CREB5: variants seen among roughly 807,000 people sequenced by gnomAD.
CREB5 encodes the protein cAMP responsive element binding protein 5.
A neutral mutation model predicts 57.1 loss-of-function variants in CREB5; 19 were observed. The observed-to-expected ratio is 0.33, with a 90% CI of 0.23 to 0.49. The LOEUF (loss-of-function observed/expected upper bound fraction) is 0.49, where lower values mean the gene tolerates loss of function less well. CREB5 is among the 20% of genes least tolerant of loss of function. CREB5 has a pLI of 0.99. For missense variants in CREB5, 579 were observed against 671.6 expected (o/e 0.86, Z 1.52); for synonymous variants, 238 against 238.3 (o/e 1.00, Z 0.01).
chr7:28,742,838 A>G (rs1227037830), intron 7 of CREB5, among the ~76,000 whole-genome samples: 3 of 151,916 alleles, frequency 2.0e-5, no homozygotes, highest in African/African-American at 7.3e-5. Flanking sequence ...GGTGGAGTGC[A>G]ATGGTGCGAT....
At chr7:28,461,531 T>C (rs770441182) in intron 1 of CREB5, among the ~76,000 whole-genome samples, 19 of 152,184 alleles carry the variant, frequency 1.2e-4, no homozygotes, top group Non-Finnish European at 2.8e-4. Context: ...TATTAATTCA[T>C]CATGAGTGGA....
At chr7:28,406,753 G>A (rs1206194338) in intron 1 of CREB5, among the ~76,000 whole-genome samples, 1 of 152,232 alleles carries the variant, frequency 6.6e-6, no homozygotes, top group Non-Finnish European at 1.5e-5. Flanking sequence ...AATCCTGGGA[G>A]AGACTGAGTG....
intron 5 of CREB5, among the ~76,000 whole-genome samples, chr7:28,658,990 A>ATATATATATGTGT (rs1562554757): frequency 1.5e-5 from 1 of 65,186 alleles, no homozygotes. Flanking sequence ...TGTATATATA[A>ATATATATATGTGT]GTCATAATTT....
intron 7 of CREB5, among the ~76,000 whole-genome samples, chr7:28,791,847 G>A (rs532485296): frequency 6.6e-6 from 1 of 152,338 alleles, no homozygotes; most frequent in East Asian, 1.9e-4. Context: ...TGTGATTTAA[G>A]GAGATGGTTC....
At chr7:28,643,524 A>C (rs1158210436) in intron 5 of CREB5, among the ~76,000 whole-genome samples, 1 of 152,144 alleles carries the variant, frequency 6.6e-6, no homozygotes, top group East Asian at 1.9e-4. Context: ...TTCTGAATTA[A>C]ATGGAACTAT....
At chr7:28,512,647 C>CTCTGTG (rs1554335424) in intron 4 of CREB5, among the ~76,000 whole-genome samples, 4 of 75,404 alleles carry the variant, frequency 5.3e-5, no homozygotes, top group Middle Eastern at 5.3e-3. Flanking sequence ...CATATAATAA[C>CTCTGTG]TGTGTGTGTG....
chr7:28,315,062 T>C (rs1785351064), intron 1 of CREB5, among the ~76,000 whole-genome samples: 2 of 152,174 alleles, frequency 1.3e-5, no homozygotes, highest in South Asian at 4.1e-4. Context: ...GATAAGGGTA[T>C]CTTATCTTAT....
chr7:28,366,317 T>C (rs1209833704), intron 1 of CREB5, among the ~76,000 whole-genome samples: 3 of 152,218 alleles, frequency 2.0e-5, no homozygotes, highest in South Asian at 4.1e-4. Flanking sequence ...ATAAACATTA[T>C]AGATTACAAA....
chr7:28,527,386 T>G (rs1303772112), intron 4 of CREB5, among the ~76,000 whole-genome samples: 2 of 152,232 alleles, frequency 1.3e-5, no homozygotes, highest in Non-Finnish European at 2.9e-5. Flanking sequence ...ATTACCAATG[T>G]GACCTGGGAC....
chr7:28,574,059 TC>T (rs2052214328), intron 5 of CREB5, among the ~76,000 whole-genome samples: 1 of 152,118 alleles, frequency 6.6e-6, no homozygotes, highest in Non-Finnish European at 1.5e-5. Flanking sequence ...GTGGGAGGCA[TC>T]CCCAAACTAG....
chr7:28,523,403 C>G (rs1793295146), intron 4 of CREB5, among the ~76,000 whole-genome samples: 1 of 152,126 alleles, frequency 6.6e-6, no homozygotes, highest in South Asian at 2.1e-4. Flanking sequence ...CTTAATGTGT[C>G]CCAGGTGCTG....
chr7:28,711,078 G>A (rs1001009550), intron 5 of CREB5, among the ~76,000 whole-genome samples: 4 of 152,210 alleles, frequency 2.6e-5, no homozygotes, highest in Admixed American at 2.0e-4. Context: ...GGTGGTCAGA[G>A]GCCAGATGGT....
intron 1 of CREB5, among the ~76,000 whole-genome samples, chr7:28,383,858 T>C (rs1439899560): frequency 6.6e-6 from 1 of 152,226 alleles, no homozygotes; most frequent in African/African-American, 2.4e-5. Flanking sequence ...ATTTCCTTAG[T>C]TGACGTTCTA....
At chr7:28,739,803 TC>T (rs1449842702) in intron 7 of CREB5, among the ~76,000 whole-genome samples, 19 of 152,300 alleles carry the variant, frequency 1.2e-4, no homozygotes, top group African/African-American at 4.6e-4. Flanking sequence ...GGCATTAAAT[TC>T]CTTACCTTGG....
rs199561235 is a variant in CREB5 at position 28,306,541 on chromosome 7, G to GTTTTTTTT, written c.-25+7104_-25+7105insTTTTTTTT. Reference sequence around the variant, plus strand: ...ACTGGTGCCAGTACATACAGATACAGTTTTGTTTTTTTTGTTTTTTTTTTT... The same window carrying GTTTTTTTT: ...ACTGGTGCCAGTACATACAGATACAGTTTTTTTTTTTTGTTTTTTTTGTTTTTTTTTTT... On this transcript the variant is annotated intron_variant, in intron 1 of 9. Transcript: ENST00000396299. Among the ~76,000 whole-genome samples, 26 of 44,440 alleles carry GTTTTTTTT rather than the reference G, an allele frequency of 5.9e-4. 7 individuals carry two copies. The highest frequency in any genetic ancestry group is 1.8e-3 in the African/African-American group (23 of 12,944). 29.2% of individuals were successfully genotyped at this position (44,440 alleles called of 152,430 possible). A position where few individuals can be genotyped will look rare whatever the true frequency, so the allele number is the denominator to read the frequency against.
At chr7:28,614,420 C>A (rs910468101) in intron 5 of CREB5, among the ~76,000 whole-genome samples, 1 of 152,192 alleles carries the variant, frequency 6.6e-6, no homozygotes, top group Non-Finnish European at 1.5e-5. Flanking sequence ...GCCATTGTCA[C>A]TTATAACATG....
intron 5 of CREB5, among the ~76,000 whole-genome samples, chr7:28,616,710 C>T (rs160376): frequency 0.067 from 10,217 of 152,180 alleles, 465 homozygotes; most frequent in Non-Finnish European, 0.1. Flanking sequence ...AATAAAGCTA[C>T]AGCCTTAAAA....
intron 8 of CREB5, among the ~76,000 whole-genome samples, chr7:28,808,095 A>C (rs1214830624): frequency 6.6e-6 from 1 of 152,188 alleles, no homozygotes; most frequent in Non-Finnish European, 1.5e-5. Context: ...AGCAACTCTC[A>C]CTATCTCACA....
In CREB5 at chr7:28,823,865, C is replaced by T. The variant is rs1203744399; in HGVS notation, c.*4586C>T. 1 of 152,588 alleles carries T rather than the reference C, an allele frequency of 6.6e-6. No individual in the cohort carries two copies. Among genetic ancestry groups the T allele is most frequent in the Non-Finnish European group, 1.5e-5 (1 of 68,024 alleles). 9.5% of individuals were successfully genotyped at this position (152,588 alleles called of 1,614,324 possible). A position where few individuals can be genotyped will look rare whatever the true frequency, so the allele number is the denominator to read the frequency against. ...ATATCTGAGAAGGGAAAGGAAACAACCCATTTAAATTTGAATAAAACCGTG... is the reference window on the plus strand; with the variant it reads ...ATATCTGAGAAGGGAAAGGAAACAATCCATTTAAATTTGAATAAAACCGTG... On this transcript the variant is annotated 3_prime_UTR_variant, in exon 11 of 11. Coordinates refer to ENST00000357727, the MANE Select transcript of CREB5 (RefSeq NM_182898.4).
Sources: gnomAD v4.1 joint callset for allele counts (sites outside exome capture counted in the v4.1 genomes callset) on GRCh38, gnomAD v4.1.1 for gene constraint, MANE v1.5 for transcripts, NCBI Gene and HGNC (gene_info 2026-07-23, HGNC 2026-07-21) for gene names.